The following COPB1 variants were observed in gnomAD, a reference collection of about 807,000 sequenced individuals.
The protein encoded by COPB1 is coatomer subunit beta.
In COPB1, 21 loss-of-function variants were observed where a neutral mutation model predicts 108.7. That is an observed-to-expected ratio of 0.19 (90% CI 0.14 to 0.28). The LOEUF (loss-of-function observed/expected upper bound fraction) is 0.28, where lower values mean the gene tolerates loss of function less well. COPB1 is among the 10% of genes least tolerant of loss of function. COPB1 has a pLI of 1.00. For missense variants in COPB1, 919 were observed against 1,141.3 expected (o/e 0.81, Z 2.81); for synonymous variants, 378 against 386.8 (o/e 0.98, Z 0.27).
chr11:14,498,770 G>C, intron 2 of COPB1, 68 bp downstream of exon 2: 1 of 1,258,942 alleles, frequency 7.9e-7, no homozygotes, highest in Admixed American at 2.4e-5. Context: ...AAAGGAATAT[G>C]AAATATGAGT....
At chr11:14,460,129 G>T in intron 20 of COPB1, 79 bp downstream of exon 20, 1 of 846,220 alleles carries the variant, frequency 1.2e-6, no homozygotes, top group Non-Finnish European at 2.0e-6. Context: ...TAACAAAAAT[G>T]TGCTAGAGGA....
At chr11:14,488,610 C>T (rs757254334) in intron 5 of COPB1, 26 bp from the exon 6 acceptor site, 89 of 1,449,312 alleles carry the variant, frequency 6.1e-5, no homozygotes, top group Non-Finnish European at 7.8e-5. Context: ...ATATATTTAT[C>T]ATTCTCCACC....
chr11:14,498,990 A>G lies in COPB1; in HGVS notation c.-57-5T>C. ...GATTTAAGGATGCCAGAAAATCTAG[A>G]AAAATAAACACAGACATATCATTAC... On this transcript the variant is annotated splice_polypyrimidine_tract_variant and splice_region_variant and intron_variant, in intron 1 of 21. Coordinates refer to ENST00000439561, the MANE Select transcript of COPB1 (RefSeq NM_001144061.2). The G allele has an allele frequency of 7.6e-7, 1 of 1,321,248 alleles. No homozygotes were observed. The highest frequency in any genetic ancestry group is 1.1e-6 in the Non-Finnish European group (1 of 950,024). 81.8% of individuals were successfully genotyped at this position (1,321,248 alleles called of 1,614,324 possible).
At chr11:14,493,854 T>G (rs959080160) in intron 3 of COPB1, 43 bp from the exon 4 acceptor site, 1 of 1,446,074 alleles carries the variant, frequency 6.9e-7, no homozygotes. Flanking sequence ...TTTCAGCTTT[T>G]TACAAAAAGA....
chr11:14,483,252 A>ACACACT (rs1850702709), intron 7 of COPB1, 101 bp from the exon 8 acceptor site: 1 of 650,316 alleles, frequency 1.5e-6, no homozygotes, highest in African/African-American at 1.8e-5. Context: ...ACACACACAC[A>ACACACT]CACACACTCC....
intron 14 of COPB1, among the ~76,000 whole-genome samples, chr11:14,473,671 A>G (rs192729647): frequency 3.3e-5 from 5 of 152,168 alleles, no homozygotes; most frequent in Non-Finnish European, 5.9e-5. Context: ...AACATTAAAG[A>G]TCACTGATAA....
intron 21 of COPB1, among the ~76,000 whole-genome samples, chr11:14,458,331 T>C (rs777686160): frequency 4.6e-5 from 7 of 152,170 alleles, no homozygotes; most frequent in Non-Finnish European, 8.8e-5. Flanking sequence ...AATCTGGTTT[T>C]AGGCAAATAT....
chr11:14,475,959 G>A lies in COPB1; in HGVS notation c.1456-14C>T. 6.4e-7 allele frequency: 1 copy of A among 1,563,210 alleles called. No individual in the cohort carries two copies. The highest frequency in any genetic ancestry group is 8.6e-7 in the Non-Finnish European group (1 of 1,157,574). On this transcript the variant is annotated splice_polypyrimidine_tract_variant and intron_variant, in intron 12 of 21. Coordinates refer to ENST00000439561, the MANE Select transcript of COPB1 (RefSeq NM_001144061.2). ...TACAATTGGGATCTAAAAGTCAATT[G>A]GAAACATCATTTTAGTAATAGTATC...
rs772626614 is a variant in COPB1, at chr11:14,483,013, T to G, written c.957+19A>C. The G allele has an allele frequency of 2.2e-5, 33 of 1,521,626 alleles. No homozygotes were observed. The highest frequency in any genetic ancestry group is 1.8e-4 in the Middle Eastern group (1 of 5,682). 94.3% of individuals were successfully genotyped at this position (1,521,626 alleles called of 1,614,324 possible). ...AAAAACATTTTATTTAGGATCTCTC[T>G]TTTTCAGATAACACTTACCTGTAGT... On this transcript the variant is annotated intron_variant, in intron 8 of 21. Coordinates refer to ENST00000439561, the MANE Select transcript of COPB1 (RefSeq NM_001144061.2).
chr11:14,474,248 C>T (rs966523998), intron 14 of COPB1: 1 of 261,062 alleles, frequency 3.8e-6, no homozygotes, highest in African/African-American at 2.2e-5. Context: ...TTCTCTTCCA[C>T]TGGAATAATC....
chr11:14,499,032 A>AG lies in COPB1; in HGVS notation c.-57-48_-57-47insC, dbSNP rs397698124. 3.2e-6 allele frequency: 3 copies of AG among 931,802 alleles called. No individual in the cohort carries two copies. In the African/African-American group the frequency reaches 5.2e-5, roughly 16 times the overall value. The allele number at this position is 931,802 out of a possible 1,614,324, so 57.7% of individuals were successfully genotyped here. On this transcript the variant is annotated intron_variant, in intron 1 of 21. Coordinates refer to ENST00000439561, the MANE Select transcript of COPB1 (RefSeq NM_001144061.2). ...TATCATTACAAATTAAAAAAAAAAA[A>AG]CCCACAAACAAGTACCTATAGTGAC...
chr11:14,459,898 T>C (rs1305957640), intron 20 of COPB1: 1 of 179,000 alleles, frequency 5.6e-6, no homozygotes. Flanking sequence ...ATCACAGGAA[T>C]GAACCACCAT....
intron 2 of COPB1, among the ~76,000 whole-genome samples, chr11:14,497,287 C>CCTAT: frequency 6.6e-6 from 1 of 151,952 alleles, no homozygotes; most frequent in Non-Finnish European, 1.5e-5. Context: ...GTGCTAACTA[C>CCTAT]CTATCTCACA....
chr11:14,482,987 G>T, intron 8 of COPB1, 45 bp downstream of exon 8: 1 of 1,469,524 alleles, frequency 6.8e-7, no homozygotes, highest in South Asian at 1.4e-5. Context: ...ACCTAAATTT[G>T]AAAAACATTT....
Position 14,493,708 on chromosome 11 carries a change from G to A in COPB1, c.425C>T (p.Ala142Val). The stretch of plus-strand genomic sequence containing the variant: ...ATAGCTGTGTCGATGCTCCAAACAT[G>A]CACGAATAGCTGGCATTAAAGGTTC... ...LLEPLMPAIR[A>V]CLEHRHSYVR... Residue 142 changes from alanine (A) to valine (V), a missense_variant, in exon 4 of 22, where the codon GCA becomes GTA. Around this residue, in one of 5 missense-constraint regions of COPB1, gnomAD observed 78 missense variants for 95.4 expected, o/e 0.82. Coordinates refer to ENST00000439561, the MANE Select transcript of COPB1 (RefSeq NM_001144061.2). 6.2e-7 allele frequency: 1 copy of A among 1,613,828 alleles called. No individual in the cohort carries two copies. The highest frequency in any genetic ancestry group is 2.2e-5 in the East Asian group (1 of 44,864).
At chr11:14,479,120 G>C (rs1850600027) in intron 11 of COPB1, among the ~76,000 whole-genome samples, 1 of 152,014 alleles carries the variant, frequency 6.6e-6, no homozygotes, top group Non-Finnish European at 1.5e-5. Context: ...TTTCAAGTCT[G>C]TTAGAGACTA....
chr11:14,488,592 A>G lies in COPB1; in HGVS notation c.607-8T>C. The G allele has an allele frequency of 6.3e-7, 1 of 1,576,740 alleles. No homozygotes were observed. Among genetic ancestry groups the G allele is most frequent in the African/African-American group, 1.3e-5 (1 of 74,236 alleles). On this transcript the variant is annotated splice_polypyrimidine_tract_variant and splice_region_variant and intron_variant, in intron 5 of 21. Coordinates refer to ENST00000439561, the MANE Select transcript of COPB1 (RefSeq NM_001144061.2). ...GTAATCCAAAGCTCGATCCTAAAAA[A>G]AATAAGAATATATTTATCATTCTCC... is the stretch of plus-strand genomic sequence containing the variant.
chr11:14,474,342 G>A (rs572770517), intron 14 of COPB1, 153 bp downstream of exon 14: 30 of 552,240 alleles, frequency 5.4e-5, no homozygotes, highest in Non-Finnish European at 8.3e-5. Flanking sequence ...ATCAATTTTA[G>A]AGTAATATAT....
intron 6 of COPB1, among the ~76,000 whole-genome samples, chr11:14,487,240 A>G (rs191510052): frequency 1.2e-4 from 18 of 152,326 alleles, no homozygotes; most frequent in Non-Finnish European, 1.5e-5. Context: ...CCTAAAATAT[A>G]TATAGTCAAA....
Sources: gnomAD v4.1 joint callset for allele counts (sites outside exome capture counted in the v4.1 genomes callset) on GRCh38, gnomAD v4.1.1 for gene constraint, gnomAD v4.1.1 regional missense constraint, MANE v1.5 for transcripts, NCBI Gene and HGNC (gene_info 2026-07-23, HGNC 2026-07-21) for gene names.